The following NAA11 variants were observed in gnomAD, a reference collection of about 807,000 sequenced individuals.
NAA11 encodes the protein N-alpha-acetyltransferase 11.
A neutral mutation model predicts 16.1 loss-of-function variants in NAA11; 15 were observed. The ratio of observed to expected loss-of-function variants is 0.93; its 90% CI spans 0.62 to 1.44. The LOEUF (loss-of-function observed/expected upper bound fraction) is 1.44, where lower values mean the gene tolerates loss of function less well. Ranked by LOEUF, NAA11 falls within the 40% of genes most tolerant of loss-of-function variation. The pLI is 0.00. For missense variants in NAA11, 298 were observed against 291.3 expected, an observed-to-expected ratio of 1.02 and a Z score of -0.17; for synonymous variants, 122 against 112.4, an observed-to-expected ratio of 1.09 and a Z score of -0.54.
intron 2 of NAA11, among the ~76,000 whole-genome samples, chr4:79,256,826 T>C (rs1429066423): frequency 6.6e-6 from 1 of 151,476 alleles, no homozygotes; most frequent in Non-Finnish European, 1.5e-5. Flanking sequence ...CTAATTTTTA[T>C]ATTTTTTGTT....
downstream of NAA11, among the ~76,000 whole-genome samples, chr4:79,224,429 G>T (rs184647136): frequency 2.6e-5 from 4 of 152,220 alleles, no homozygotes; most frequent in Admixed American, 2.6e-4. Flanking sequence ...ACAGAGTTAC[G>T]TAATTACGTG....
intron 2 of NAA11, among the ~76,000 whole-genome samples, chr4:79,273,026 A>G (rs1722534417): frequency 6.6e-6 from 1 of 151,924 alleles, no homozygotes; most frequent in Non-Finnish European, 1.5e-5. Flanking sequence ...CTTCCCTCAA[A>G]GAGAGAGTTC....
chr4:79,288,989 C>T lies in NAA11; in HGVS notation c.*122+5016G>A, dbSNP rs370335254. On this transcript the variant is annotated intron_variant and NMD_transcript_variant, in intron 2 of 2. Coordinates refer to the NAA11 transcript ENST00000511542. ...TACAATATTTTTGATGGCTACATAA[C>T]ATTCCACTGGTATGATGTATCATTA... is the stretch of plus-strand genomic sequence containing the variant. 9.2e-5 allele frequency among the ~76,000 whole-genome samples: 14 copies of T among 152,296 alleles called. No individual in the cohort carries two copies. In the South Asian group the frequency reaches 1.7e-3, roughly 18 times the overall value.
intron 2 of NAA11, among the ~76,000 whole-genome samples, chr4:79,261,426 A>G (rs933331070): frequency 1.3e-5 from 2 of 152,182 alleles, no homozygotes; most frequent in African/African-American, 2.4e-5. Context: ...CAAGTCAACT[A>G]TATAAAGAAT....
chr4:79,282,451 A>G (rs985587766), intron 2 of NAA11, among the ~76,000 whole-genome samples: 17 of 152,106 alleles, frequency 1.1e-4, no homozygotes, highest in African/African-American at 4.1e-4. Context: ...AGCTATTGAG[A>G]TGGAGTTCAT....
At chr4:79,193,965 G>C in the NAA11 span, among the ~76,000 whole-genome samples, 2 of 152,072 alleles carry the variant, frequency 1.3e-5, no homozygotes, top group Non-Finnish European at 2.9e-5. Flanking sequence ...TGGATTCCTA[G>C]GTATTTTATT....
chr4:79,266,634 A>G (rs1000184719), intron 2 of NAA11, among the ~76,000 whole-genome samples: 5 of 152,178 alleles, frequency 3.3e-5, no homozygotes, highest in Non-Finnish European at 7.4e-5. Flanking sequence ...AACACAGAAG[A>G]ATCCTTTTGC....
chr4:79,213,758 A>G, the NAA11 span, among the ~76,000 whole-genome samples: 1 of 152,152 alleles, frequency 6.6e-6, no homozygotes, highest in Non-Finnish European at 1.5e-5. Context: ...AGTACATGGA[A>G]TCCCTTATGT....
intron 2 of NAA11, among the ~76,000 whole-genome samples, chr4:79,270,079 C>T: frequency 6.6e-6 from 1 of 150,576 alleles, no homozygotes; most frequent in Non-Finnish European, 1.5e-5. Flanking sequence ...GTTTTGGTAC[C>T]AGTACCATGC....
chr4:79,310,483 G>A (rs1238636465), intron 1 of NAA11, among the ~76,000 whole-genome samples: 1 of 152,146 alleles, frequency 6.6e-6, no homozygotes, highest in Non-Finnish European at 1.5e-5. Context: ...GAAACAAGAA[G>A]GTACTGGAAG....
the NAA11 span, among the ~76,000 whole-genome samples, chr4:79,179,569 C>T: frequency 6.6e-6 from 1 of 152,132 alleles, no homozygotes; most frequent in East Asian, 1.9e-4. Flanking sequence ...TGTTTGATTG[C>T]ACAGTGGTGT....
intron 2 of NAA11, among the ~76,000 whole-genome samples, chr4:79,249,384 G>A (rs1055628847): frequency 1.3e-5 from 2 of 152,286 alleles, no homozygotes; most frequent in South Asian, 2.1e-4. Flanking sequence ...AAAACAATAC[G>A]TGAGCTGATG....
intron 2 of NAA11, among the ~76,000 whole-genome samples, chr4:79,256,421 C>A (rs904893383): frequency 1.3e-4 from 20 of 151,744 alleles, no homozygotes; most frequent in Non-Finnish European, 2.4e-4. Flanking sequence ...CTTTATCCTG[C>A]AGATGGGCTT....
Position 79,317,094 on chromosome 4 carries a change from A to G in NAA11, c.*710T>C, listed in dbSNP as rs1489795833. The G allele has an allele frequency of 6.6e-6, 1 of 152,192 alleles. No individual in the cohort carries two copies. The highest frequency in any genetic ancestry group is 1.5e-5 in the Non-Finnish European group (1 of 68,026). The allele number at this position is 152,192 out of a possible 1,614,324, so 9.4% of individuals were successfully genotyped here. On this transcript the variant is annotated 3_prime_UTR_variant, in exon 2 of 2. Coordinates refer to ENST00000286794, the MANE Select transcript of NAA11 (RefSeq NM_032693.3). ...ATAAATGCCAAGTGACATAATCACA[A>G]AAAAACTAACACAAACAAGCACATT...
chr4:79,212,219 G>C, the NAA11 span, among the ~76,000 whole-genome samples: 3 of 152,172 alleles, frequency 2.0e-5, no homozygotes, highest in East Asian at 5.8e-4. Flanking sequence ...TCAACATTAT[G>C]AACAATAATT....
At chr4:79,167,270 T>TAGAGAGAGAGAGAG in the NAA11 span, among the ~76,000 whole-genome samples, 2 of 98,472 alleles carry the variant, frequency 2.0e-5, no homozygotes, top group African/African-American at 7.9e-5. Context: ...TATATATATA[T>TAGAGAGAGAGAGAG]AGAGAGAGAG....
chr4:79,309,930 T>C (rs535550646), intron 1 of NAA11, among the ~76,000 whole-genome samples: 3 of 152,100 alleles, frequency 2.0e-5, no homozygotes, highest in South Asian at 2.1e-4. Context: ...TTAGCCAGGG[T>C]GGTCTTGATC....
chr4:79,170,867 T>C, the NAA11 span, among the ~76,000 whole-genome samples: 1 of 152,058 alleles, frequency 6.6e-6, no homozygotes, highest in Non-Finnish European at 1.5e-5. Flanking sequence ...CAAGAAAAAT[T>C]TATCTTTGAT....
chr4:79,199,392 T>C, the NAA11 span, among the ~76,000 whole-genome samples: 1 of 151,880 alleles, frequency 6.6e-6, no homozygotes, highest in Non-Finnish European at 1.5e-5. Context: ...TAAACACTTG[T>C]ATGCAGTTGA....
Sources: allele counts gnomAD v4.1 joint callset (sites outside exome capture counted in the v4.1 genomes callset), GRCh38; gene constraint gnomAD v4.1.1; transcripts MANE v1.5; gene names NCBI Gene and HGNC (gene_info 2026-07-23, HGNC 2026-07-21).